The following AXIN1 variants were observed in gnomAD, a reference collection of about 807,000 sequenced individuals.
AXIN1 encodes the protein axin 1.
AXIN1 carries 30 observed loss-of-function variants against 76.4 expected under a neutral mutation model. That is an observed-to-expected ratio of 0.39 (90% confidence interval 0.29 to 0.53). The LOEUF (loss-of-function observed/expected upper bound fraction) is 0.53. Among genes scored for constraint, AXIN1 ranks in the 20% least tolerant of loss-of-function variants. The pLI is 0.66. For synonymous variants in AXIN1, 545 were observed against 501.4 expected (o/e 1.09, Z -1.16); for missense variants, 1,140 against 1,198.8 (o/e 0.95, Z 0.72).
intron 4 of AXIN1, among the ~76,000 whole-genome samples, chr16:305,405 G>A (rs1399838162): frequency 6.6e-6 from 1 of 152,144 alleles, no homozygotes; most frequent in African/African-American, 2.4e-5. Context: ...AGTCCTGGGA[G>A]ATCAAGGCTG....
At position 287,837 on chromosome 16, in the gene AXIN1, T is replaced by A; in HGVS notation, c.*285A>T. The stretch of plus-strand genomic sequence containing the variant: ...GGAGGTGCCGGGGGATGGGGGGGGG[T>A]CACCTGAAGCTGGCAGCAGGGACCT... On this transcript the variant is annotated 3_prime_UTR_variant, in exon 11 of 11. Coordinates refer to ENST00000262320, the MANE Select transcript of AXIN1 (RefSeq NM_003502.4). 2.0e-6 allele frequency: 1 copy of A among 493,616 alleles called. No individual in the cohort carries two copies. The highest frequency in any genetic ancestry group is 3.7e-6 in the Non-Finnish European group (1 of 272,682). The allele number at this position is 493,616 out of a possible 1,614,324, so 30.6% of individuals were successfully genotyped here.
In AXIN1 at chr16:309,972, C is replaced by G. The variant is rs2141572526; in HGVS notation, c.1116+1G>C. 6.2e-7 allele frequency: 1 copy of G among 1,613,128 alleles called. No homozygotes were observed. Among genetic ancestry groups the G allele is most frequent in the Non-Finnish European group, 8.5e-7 (1 of 1,179,790 alleles). On this transcript the variant is annotated splice_donor_variant, in intron 4 of 10. Coordinates refer to ENST00000262320, the MANE Select transcript of AXIN1 (RefSeq NM_003502.4). LOFTEE classifies it high-confidence loss of function. ...CTGAGGACCGCAAAGCCGGTACTTA[C>G]GGGAATGTGAGGTAGGGGCACCCGC...
At chr16:306,105 C>T (rs8063821) in intron 4 of AXIN1, among the ~76,000 whole-genome samples, 52,579 of 151,990 alleles carry the variant, frequency 0.35, 10,846 homozygotes, top group African/African-American at 0.57. Context: ...ATCCCCTTAC[C>T]GGCAGGCACA....
At chr16:296,361 G>A (rs1466849903) in intron 7 of AXIN1, among the ~76,000 whole-genome samples, 3 of 152,256 alleles carry the variant, frequency 2.0e-5, no homozygotes, top group African/African-American at 7.2e-5. Flanking sequence ...TGAGGAAGCT[G>A]GGGCCATCCA....
rs1264901445 is a variant in AXIN1, at chr16:352,660, C to G, written c.-373G>C. Reference sequence around the variant, plus strand: ...GCAGCGGCCACGATCGCCTCCCGAGCCAGAGCCCGAGCCAGAGCGCCGAAG... The same window carrying G: ...GCAGCGGCCACGATCGCCTCCCGAGGCAGAGCCCGAGCCAGAGCGCCGAAG... On this transcript the variant is annotated 5_prime_UTR_variant, in exon 1 of 11. Coordinates refer to ENST00000262320, the MANE Select transcript of AXIN1 (RefSeq NM_003502.4). 1 of 156,756 alleles carries G rather than the reference C, an allele frequency of 6.4e-6. No individual in the cohort carries two copies. The highest frequency in any genetic ancestry group is 1.4e-5 in the Non-Finnish European group (1 of 71,464). The allele number at this position is 156,756 out of a possible 1,614,324, so 9.7% of individuals were successfully genotyped here. A position where few individuals can be genotyped will look rare whatever the true frequency, so the allele number is the denominator to read the frequency against.
intron 1 of AXIN1, among the ~76,000 whole-genome samples, chr16:350,286 C>A (rs1161297436): frequency 6.6e-6 from 1 of 152,130 alleles, no homozygotes; most frequent in Non-Finnish European, 1.5e-5. Context: ...CAGGGAAGCA[C>A]ACCAAGCATT....
Position 288,042 on chromosome 16 carries a change from A to C in AXIN1, c.*80T>G. ...AACACTGTTCCCCATCGGGCTCCTG[A>C]GTACGAGGTCATCTGCCTGGCCGTG... On this transcript the variant is annotated 3_prime_UTR_variant, in exon 11 of 11. Coordinates refer to ENST00000262320, the MANE Select transcript of AXIN1 (RefSeq NM_003502.4). 6.2e-7 allele frequency: 1 copy of C among 1,605,810 alleles called. No homozygotes were observed. The highest frequency in any genetic ancestry group is 1.7e-4 in the Middle Eastern group (1 of 5,998).
chr16:320,694 T>C (rs577725573), intron 2 of AXIN1, among the ~76,000 whole-genome samples: 1 of 149,428 alleles, frequency 6.7e-6, no homozygotes, highest in Admixed American at 6.7e-5. Flanking sequence ...TGTATATATG[T>C]ATATATGCAT....
chr16:296,148 C>T (rs1020048169), intron 7 of AXIN1, among the ~76,000 whole-genome samples: 1 of 152,214 alleles, frequency 6.6e-6, no homozygotes, highest in Non-Finnish European at 1.5e-5. Flanking sequence ...CCCTCGGGAG[C>T]CCCAGAAAAA....
At chr16:334,178 A>G (rs72765855) in intron 2 of AXIN1, among the ~76,000 whole-genome samples, 8,054 of 149,278 alleles carry the variant, frequency 0.054, 245 homozygotes, top group Non-Finnish European at 0.07. Flanking sequence ...TGGCACACCA[A>G]TAACAGCACC....
chr16:335,902 G>A lies in AXIN1; in HGVS notation c.878+10246C>T, dbSNP rs922977582. On this transcript the variant is annotated intron_variant, in intron 2 of 10. Coordinates refer to ENST00000262320, the MANE Select transcript of AXIN1 (RefSeq NM_003502.4). ...AAATATTTAATCAAATGAAAAAAACGGCCATTATTAACTCAAAAACAAACA... is the reference window on the plus strand; with the variant it reads ...AAATATTTAATCAAATGAAAAAAACAGCCATTATTAACTCAAAAACAAACA... 1.5e-4 allele frequency among the ~76,000 whole-genome samples: 23 copies of A among 152,244 alleles called. No homozygotes were observed. The East Asian group carries it at 1.9e-3, about 13-fold the overall frequency.
At chr16:303,582 A>C (rs214240) in intron 5 of AXIN1, among the ~76,000 whole-genome samples, 23,902 of 151,718 alleles carry the variant, frequency 0.16, 2,244 homozygotes, top group African/African-American at 0.25. Flanking sequence ...GGGTTTCACC[A>C]TTTTGGCCAG....
In AXIN1 at chr16:298,291, G is replaced by A. The variant is rs775371593; in HGVS notation, c.1255-40C>T. 8 of 1,536,562 alleles carry A rather than the reference G, an allele frequency of 5.2e-6. No homozygotes were observed. The South Asian group carries it at 9.5e-5, about 18-fold the overall frequency. ...GCAGCACCATCACCTCTCAGCACCA[G>A]CTGCACACTTGGGGAAAACAAAAAG... On this transcript the variant is annotated intron_variant, in intron 5 of 10. Transcript: ENST00000262320.
Position 287,493 on chromosome 16 carries a change from AATT to A in AXIN1, c.*626_*628del. On this transcript the variant is annotated 3_prime_UTR_variant, in exon 11 of 11. Transcript: ENST00000262320. ...ATTATCCAAGTACCTTTGAAAAGAT[AATT>A]AATTGTACAAGTGTCATCGCATGAA... 1 of 222,926 alleles carries A rather than the reference AATT, an allele frequency of 4.5e-6. No individual in the cohort carries two copies. The highest frequency in any genetic ancestry group is 8.1e-6 in the Non-Finnish European group (1 of 123,068). 13.8% of individuals were successfully genotyped at this position (222,926 alleles called of 1,614,324 possible).
At chr16:305,030 C>T (rs575432053) in intron 4 of AXIN1, among the ~76,000 whole-genome samples, 13 of 152,310 alleles carry the variant, frequency 8.5e-5, no homozygotes, top group Admixed American at 5.9e-4. Context: ...GACACACAGC[C>T]GGCGCTCCCC....
At chr16:326,993 T>A (rs2053598443) in intron 2 of AXIN1, among the ~76,000 whole-genome samples, 2 of 150,196 alleles carry the variant, frequency 1.3e-5, no homozygotes, top group African/African-American at 4.9e-5. Context: ...ATAAAAAAAA[T>A]TAGCCGGGTG....
chr16:352,300 C>A (rs2054162682), intron 1 of AXIN1, 69 bp downstream of exon 1: 4 of 921,880 alleles, frequency 4.3e-6, no homozygotes, highest in Non-Finnish European at 5.2e-6. Context: ...CCGCGCCCCC[C>A]GCCGCTTCCG....
At chr16:333,508 T>C (rs1044224306) in intron 2 of AXIN1, among the ~76,000 whole-genome samples, 3 of 148,764 alleles carry the variant, frequency 2.0e-5, no homozygotes, top group African/African-American at 7.5e-5. Flanking sequence ...TTCAGCACGA[T>C]GAAAGAAAAA....
At chr16:328,244 T>A (rs1302013677) in intron 2 of AXIN1, among the ~76,000 whole-genome samples, 1 of 151,972 alleles carries the variant, frequency 6.6e-6, no homozygotes, top group East Asian at 1.9e-4. Context: ...ATTTAAAAAA[T>A]TAGCCAGGTG....
Sources: gnomAD v4.1 joint callset for allele counts (sites outside exome capture counted in the v4.1 genomes callset) on GRCh38, gnomAD v4.1.1 for gene constraint, MANE v1.5 for transcripts, NCBI Gene and HGNC (gene_info 2026-07-23, HGNC 2026-07-21) for gene names.